The following GRB2 variants were observed in gnomAD, a reference collection of about 807,000 sequenced individuals.
GRB2 encodes the protein growth factor receptor bound protein 2.
In GRB2, 2 loss-of-function variants were observed where a neutral mutation model predicts 27.4. That is an observed-to-expected ratio of 0.07 (90% CI 0.03 to 0.23). The LOEUF is 0.23. Among genes scored for constraint, GRB2 ranks in the 10% least tolerant of loss-of-function variants. The probability of loss-of-function intolerance (pLI) is 1.00; values close to 1 mark genes in which losing one functional copy is unlikely to be tolerated. For synonymous variants in GRB2, 94 were observed against 99.6 expected (o/e 0.94, Z 0.33); for missense variants, 102 against 282.4 (o/e 0.36, Z 4.58).
rs575400021 is a variant in GRB2 at position 75,398,779 on chromosome 17, GC to G, written c.-137-5015del. Among the ~76,000 whole-genome samples, 556 of 151,844 alleles carry G rather than the reference GC, an allele frequency of 3.7e-3. 4 individuals are homozygous for G. The highest frequency in any genetic ancestry group is 0.013 in the African/African-American group (536 of 41,434). On this transcript the variant is annotated intron_variant, in intron 1 of 5. Transcript: ENST00000316804. Reference sequence around the variant, plus strand: ...ATTTATTTTTTGGAGACAGAGTCTTGCTCTATCCCTCAGGCTGGAGTGCAGT... The same window carrying G: ...ATTTATTTTTTGGAGACAGAGTCTTGTCTATCCCTCAGGCTGGAGTGCAGT...
intron 1 of GRB2, among the ~76,000 whole-genome samples, chr17:75,402,012 A>C (rs2079067155): frequency 1.3e-5 from 2 of 152,314 alleles, no homozygotes; most frequent in South Asian, 4.1e-4. Context: ...TCAGTTGAAA[A>C]TATTGTTACA....
At chr17:75,341,983 T>C (rs1301294186) in intron 2 of GRB2, among the ~76,000 whole-genome samples, 1 of 152,194 alleles carries the variant, frequency 6.6e-6, no homozygotes, top group Non-Finnish European at 1.5e-5. Flanking sequence ...CTTCTCCAAA[T>C]GAGCCCTGCC....
intron 2 of GRB2, among the ~76,000 whole-genome samples, chr17:75,350,397 C>A (rs1218967336): frequency 1.3e-5 from 2 of 152,210 alleles, no homozygotes; most frequent in East Asian, 1.9e-4. Flanking sequence ...GGTGTAAGTT[C>A]TATGAGTCCA....
chr17:75,394,405 C>T (rs2079017820), intron 1 of GRB2: 1 of 152,244 alleles, frequency 6.6e-6, no homozygotes, highest in Non-Finnish European at 1.5e-5. Context: ...TCCCCCTGCA[C>T]TTCCATGTTG....
rs961447354 is a variant in GRB2, at chr17:75,320,771, T to C, written c.469-218A>G. Among the ~76,000 whole-genome samples, 6 of 152,074 alleles carry C rather than the reference T, an allele frequency of 3.9e-5. No homozygotes were observed. Among genetic ancestry groups the C allele is most frequent in the African/African-American group, 1.2e-4 (5 of 41,406 alleles). On this transcript the variant is annotated intron_variant, in intron 5 of 5. Coordinates refer to ENST00000316804, the MANE Select transcript of GRB2 (RefSeq NM_002086.5). This position sits in a 1 kb window ranked among gnomAD's most constrained non-coding sequence, Gnocchi z 4.3. ...ATATTTCCCAGTGCTCAGAAAATATTAGAGTATGTCTCCCAGAGGAGGGTG... is the reference window on the plus strand; with the variant it reads ...ATATTTCCCAGTGCTCAGAAAATATCAGAGTATGTCTCCCAGAGGAGGGTG...
At chr17:75,350,491 A>T (rs996290398) in intron 2 of GRB2, among the ~76,000 whole-genome samples, 3 of 151,892 alleles carry the variant, frequency 2.0e-5, no homozygotes, top group Admixed American at 6.6e-5. Context: ...ACATTTATTT[A>T]TTTATTTTTA....
intron 3 of GRB2, among the ~76,000 whole-genome samples, chr17:75,331,997 G>A (rs888615541): frequency 6.6e-6 from 1 of 152,112 alleles, no homozygotes; most frequent in Admixed American, 6.6e-5. Context: ...TAGTCTGAGC[G>A]TGGAAAGCCT....
chr17:75,401,784 T>G (rs931889090), intron 1 of GRB2, among the ~76,000 whole-genome samples: 12 of 152,230 alleles, frequency 7.9e-5, no homozygotes, highest in African/African-American at 2.9e-4. Context: ...AGATAATGGT[T>G]GTAAAATGCT....
chr17:75,388,306 T>C (rs1007231755), intron 2 of GRB2, among the ~76,000 whole-genome samples: 3 of 152,102 alleles, frequency 2.0e-5, no homozygotes, highest in Admixed American at 6.5e-5. Context: ...TTTCACCATG[T>C]TGGCCAGGCT....
chr17:75,389,200 A>G (rs1016636281), intron 2 of GRB2, among the ~76,000 whole-genome samples: 2 of 152,130 alleles, frequency 1.3e-5, no homozygotes, highest in African/African-American at 4.8e-5. Flanking sequence ...ATTTTCCACT[A>G]TGTCAGTCTA....
intron 2 of GRB2, 26 bp from the exon 3 acceptor site, chr17:75,332,823 A>C (rs1201519589): frequency 3.6e-6 from 5 of 1,400,426 alleles, no homozygotes; most frequent in Non-Finnish European, 5.0e-6. Flanking sequence ...ACAACAAAAA[A>C]ACCCAATCAT....
chr17:75,375,886 G>A (rs1462122616), intron 2 of GRB2, among the ~76,000 whole-genome samples: 1 of 151,896 alleles, frequency 6.6e-6, no homozygotes, highest in Admixed American at 6.6e-5. Flanking sequence ...TTAGCCGGGC[G>A]TGGTGGTGGG....
chr17:75,326,169 C>A lies in GRB2; in HGVS notation c.177-149G>T, dbSNP rs3744233. 3,905 of 849,348 alleles carry A rather than the reference C, an allele frequency of 4.6e-3. 97 individuals are homozygous for A. The East Asian group carries it at 0.047, about 10-fold the overall frequency. The allele number at this position is 849,348 out of a possible 1,614,324, so 52.6% of individuals were successfully genotyped here. The stretch of plus-strand genomic sequence containing the variant: ...AGCCTCACAGTGCCCAAGATCGACA[C>A]TGGGTTGGGTCCCCAGAGATGGACC... On this transcript the variant is annotated intron_variant, in intron 3 of 5. Coordinates refer to ENST00000316804, the MANE Select transcript of GRB2 (RefSeq NM_002086.5).
intron 2 of GRB2, among the ~76,000 whole-genome samples, chr17:75,369,314 T>G (rs1408309641): frequency 6.6e-6 from 1 of 152,188 alleles, no homozygotes; most frequent in East Asian, 1.9e-4. Context: ...GTAACGTATT[T>G]AAATGATTTT....
intron 3 of GRB2, among the ~76,000 whole-genome samples, chr17:75,331,416 A>C (rs2078540308): frequency 1.3e-5 from 2 of 152,230 alleles, no homozygotes; most frequent in South Asian, 4.1e-4. Flanking sequence ...CAACTTTCCA[A>C]GGAAGGTAGC....
chr17:75,344,212 C>G (rs2078640380), intron 2 of GRB2, among the ~76,000 whole-genome samples: 1 of 152,104 alleles, frequency 6.6e-6, no homozygotes, highest in Non-Finnish European at 1.5e-5. Flanking sequence ...TTTAGCTCTG[C>G]TTAGTCTGTG....
chr17:75,337,622 G>C (rs1200140215), intron 2 of GRB2, among the ~76,000 whole-genome samples: 2 of 148,234 alleles, frequency 1.3e-5, no homozygotes, highest in Non-Finnish European at 3.0e-5. Flanking sequence ...CCAGGCTGGA[G>C]TGCAGTGGCA....
intron 2 of GRB2, among the ~76,000 whole-genome samples, chr17:75,359,966 T>C (rs1299361783): frequency 6.7e-6 from 1 of 149,206 alleles, no homozygotes; most frequent in Admixed American, 6.6e-5. Context: ...TGTTACAAAG[T>C]TCTTTCTGTC....
intron 2 of GRB2, among the ~76,000 whole-genome samples, chr17:75,343,839 GAGGA>G (rs2078637802): frequency 6.6e-6 from 1 of 152,190 alleles, no homozygotes; most frequent in Non-Finnish European, 1.5e-5. Flanking sequence ...GAAGAAAGGA[GAGGA>G]AGGGAGGGGG....
Sources: allele counts gnomAD v4.1 joint callset (sites outside exome capture counted in the v4.1 genomes callset), GRCh38; gene constraint gnomAD v4.1.1; non-coding constraint Gnocchi (gnomAD v3.1); transcripts MANE v1.5; gene names NCBI Gene and HGNC (gene_info 2026-07-23, HGNC 2026-07-21).